CSMD1: variants seen among roughly 807,000 people sequenced by gnomAD.
CSMD1 encodes the protein CUB and Sushi multiple domains 1, also known as CUB and sushi domain-containing protein 1.
In CSMD1, 213 loss-of-function variants were observed where a neutral mutation model predicts 417.5. The observed-to-expected ratio is 0.51, with a 90% CI of 0.46 to 0.57. The LOEUF (loss-of-function observed/expected upper bound fraction) is 0.57. Among genes scored for constraint, CSMD1 ranks in the 20% least tolerant of loss-of-function variants. The pLI, the probability that CSMD1 is intolerant of heterozygous loss-of-function variation, is 0.00. For synonymous variants in CSMD1, 2,862 were observed against 1,736.8 expected (o/e 1.65, Z -16.11); for missense variants, 6,923 against 4,529.7 (o/e 1.53, Z -15.17).
intron 3 of CSMD1, among the ~76,000 whole-genome samples, chr8:4,147,839 T>A (rs1278522082): frequency 6.6e-6 from 1 of 152,074 alleles, no homozygotes; most frequent in Non-Finnish European, 1.5e-5. Context: ...TCAGAAAGAC[T>A]TCTCTGGTCT....
intron 1 of CSMD1, among the ~76,000 whole-genome samples, chr8:4,652,850 C>T (rs554894117): frequency 5.1e-4 from 78 of 152,152 alleles, no homozygotes; most frequent in African/African-American, 1.7e-3. Flanking sequence ...AGATCCCTTG[C>T]GTGCACCGTT....
At chr8:3,945,193 A>C (rs965068187) in intron 5 of CSMD1, among the ~76,000 whole-genome samples, 38 of 152,060 alleles carry the variant, frequency 2.5e-4, no homozygotes, top group Non-Finnish European at 2.2e-4. Flanking sequence ...AAAAAAAAAA[A>C]AAAACAGAAG....
At chr8:3,343,910 G>C (rs1305623487) in intron 22 of CSMD1, among the ~76,000 whole-genome samples, 1 of 152,060 alleles carries the variant, frequency 6.6e-6, no homozygotes, top group Admixed American at 6.6e-5. Flanking sequence ...TGCACTAAAG[G>C]ACAACAAGAT....
chr8:4,169,661 C>T (rs746653918), intron 3 of CSMD1, among the ~76,000 whole-genome samples: 30 of 152,124 alleles, frequency 2.0e-4, no homozygotes, highest in Non-Finnish European at 2.9e-4. Context: ...TGAGAGCCAA[C>T]GCCGGAAGAG....
At chr8:4,854,833 G>T (rs1026187847) in intron 1 of CSMD1, among the ~76,000 whole-genome samples, 2 of 152,292 alleles carry the variant, frequency 1.3e-5, no homozygotes, top group African/African-American at 4.8e-5. Context: ...AGCGAGGCTG[G>T]GGGAGGGGCG....
chr8:4,738,897 G>A (rs1431309149), intron 1 of CSMD1, among the ~76,000 whole-genome samples: 12 of 139,022 alleles, frequency 8.6e-5, no homozygotes, highest in Admixed American at 2.3e-4. Flanking sequence ...TTAAAATTCT[G>A]TGTGTTTGTG....
Position 4,277,198 on chromosome 8 carries a change from C to CATAT in CSMD1, c.415+142751_415+142754dup, listed in dbSNP as rs3069751. Among the ~76,000 whole-genome samples, 224 of 143,142 alleles carry CATAT rather than the reference C, an allele frequency of 1.6e-3. 1 individual carries two copies. The highest frequency in any genetic ancestry group is 7.4e-3 in the Middle Eastern group (2 of 272). 93.9% of individuals were successfully genotyped at this position (143,142 alleles called of 152,430 possible). On this transcript the variant is annotated intron_variant, in intron 3 of 69. Coordinates refer to ENST00000635120, the MANE Select transcript of CSMD1 (RefSeq NM_033225.6). The stretch of plus-strand genomic sequence containing the variant: ...ATATTTATATGTCATCTACAGATAA[C>CATAT]ATATATATATATATATATACACACA...
intron 1 of CSMD1, among the ~76,000 whole-genome samples, chr8:4,966,250 A>T (rs1398379611): frequency 6.6e-6 from 1 of 150,534 alleles, no homozygotes; most frequent in Non-Finnish European, 1.5e-5. Flanking sequence ...ATGGTGGCAC[A>T]TGCCTGTAAT....
chr8:3,937,831 G>T (rs1414101786), intron 5 of CSMD1, among the ~76,000 whole-genome samples: 1 of 152,032 alleles, frequency 6.6e-6, no homozygotes, highest in Non-Finnish European at 1.5e-5. Context: ...GAAATTTTAT[G>T]ATTTAAAGTT....
At chr8:3,331,611 G>C (rs989702249) in intron 23 of CSMD1, among the ~76,000 whole-genome samples, 1 of 152,150 alleles carries the variant, frequency 6.6e-6, no homozygotes, top group South Asian at 2.1e-4. Flanking sequence ...GATAAAATGA[G>C]ACAATGAATG....
intron 23 of CSMD1, among the ~76,000 whole-genome samples, chr8:3,335,863 A>AGCCTTTG (rs1807228815): frequency 2.0e-5 from 3 of 152,110 alleles, no homozygotes; most frequent in Non-Finnish European, 4.4e-5. Context: ...CAGAGAGGTG[A>AGCCTTTG]ATTCATGGAT....
chr8:3,524,916 G>A (rs1000716268), intron 10 of CSMD1, among the ~76,000 whole-genome samples: 1 of 151,772 alleles, frequency 6.6e-6, no homozygotes, highest in Non-Finnish European at 1.5e-5. Context: ...TAATAAACTT[G>A]GTATCATGAA....
chr8:4,072,140 T>C (rs867758956), intron 3 of CSMD1, among the ~76,000 whole-genome samples: 3 of 152,240 alleles, frequency 2.0e-5, no homozygotes, highest in Admixed American at 6.5e-5. Flanking sequence ...CTTCGGAATC[T>C]GCCTGTTTCT....
chr8:3,892,625 G>T (rs558086244), intron 5 of CSMD1, among the ~76,000 whole-genome samples: 1 of 151,470 alleles, frequency 6.6e-6, no homozygotes, highest in African/African-American at 2.4e-5. Flanking sequence ...TCTGGTGCAC[G>T]TCAGTACTGT....
chr8:3,559,002 C>T (rs117821275), intron 10 of CSMD1, among the ~76,000 whole-genome samples: 7,627 of 152,210 alleles, frequency 0.05, 247 homozygotes, highest in Non-Finnish European at 0.08. Context: ...GTGGGACTGC[C>T]GTGGTGGTCT....
intron 59 of CSMD1, among the ~76,000 whole-genome samples, chr8:2,964,506 G>C (rs1803783185): frequency 6.6e-6 from 1 of 152,200 alleles, no homozygotes; most frequent in Non-Finnish European, 1.5e-5. Flanking sequence ...GAGAGAGAAA[G>C]AGGTCCCATC....
At chr8:3,393,760 G>A (rs139871504) in intron 17 of CSMD1, among the ~76,000 whole-genome samples, 2 of 151,238 alleles carry the variant, frequency 1.3e-5, no homozygotes, top group Non-Finnish European at 2.9e-5. Flanking sequence ...AACACCACAT[G>A]TTCTCACTCA....
chr8:4,114,700 T>A (rs554337758), intron 3 of CSMD1, among the ~76,000 whole-genome samples: 23 of 152,172 alleles, frequency 1.5e-4, no homozygotes, highest in Non-Finnish European at 3.1e-4. Context: ...AGGTCAAAAT[T>A]TCAAAATGAA....
At chr8:4,037,355 C>T (rs1469436455) in intron 3 of CSMD1, among the ~76,000 whole-genome samples, 1 of 152,202 alleles carries the variant, frequency 6.6e-6, no homozygotes, top group Non-Finnish European at 1.5e-5. Flanking sequence ...GAAGTGAGCA[C>T]TTGCTGTAAC....
Sources: allele counts gnomAD v4.1 joint callset (sites outside exome capture counted in the v4.1 genomes callset), GRCh38; gene constraint gnomAD v4.1.1; transcripts MANE v1.5; gene names NCBI Gene and HGNC (gene_info 2026-07-23, HGNC 2026-07-21).